The following ZNF839 variants were observed in gnomAD, a reference collection of about 807,000 sequenced individuals.
The protein encoded by ZNF839 is zinc finger protein 839, also known as renal carcinoma antigen NY-REN-50.
ZNF839 carries 38 observed loss-of-function variants against 56.4 expected under a neutral mutation model. The ratio of observed to expected loss-of-function variants is 0.67; its 90% confidence interval spans 0.52 to 0.88. The LOEUF (loss-of-function observed/expected upper bound fraction) is 0.88, where lower values mean the gene tolerates loss of function less well. ZNF839 is among the 40% of genes least tolerant of loss of function. The pLI is 0.00. For synonymous variants in ZNF839, 486 were observed against 493.5 expected (o/e 0.98, Z 0.20); for missense variants, 1,091 against 1,177.6 (o/e 0.93, Z 1.08).
chr14:102,331,810 G>A lies in ZNF839; in HGVS notation c.1380G>A (p.Glu460=). 6.3e-7 allele frequency: 1 copy of A among 1,586,866 alleles called. No individual in the cohort carries two copies. The highest frequency in any genetic ancestry group is 1.7e-4 in the Middle Eastern group (1 of 6,038). The stretch of plus-strand genomic sequence containing the variant: ...CTGGTGGCCCTGCTGCGGCAGGGGA[G>A]CAGAGGGCGTCGCCAAGCAAAGCCA... ...QLPGGPAAAG[E]QRASPSKARL... The change falls in exon 3 of 8, where the codon GAG becomes GAA. Residue 460 remains glutamate, a synonymous_variant. Transcript: ENST00000442396.
At chr14:102,340,467 T>TC (rs751365324) in intron 7 of ZNF839, among the ~76,000 whole-genome samples, 9 of 151,908 alleles carry the variant, frequency 5.9e-5, no homozygotes, top group Non-Finnish European at 1.3e-4. Flanking sequence ...AGATAGGGTT[T>TC]CCCCATGTTG....
chr14:102,322,496 A>T (rs1258603885), intron 1 of ZNF839, among the ~76,000 whole-genome samples: 1 of 152,230 alleles, frequency 6.6e-6, no homozygotes, highest in Admixed American at 6.5e-5. Flanking sequence ...GAGGATAAAT[A>T]CATTATTAGT....
chr14:102,330,299 C>T (rs538404622), intron 2 of ZNF839, among the ~76,000 whole-genome samples: 2 of 151,202 alleles, frequency 1.3e-5, no homozygotes, highest in South Asian at 4.2e-4. Context: ...ATGGCATGAT[C>T]TCAGCTCACT....
Position 102,334,651 on chromosome 14 carries a change from G to A in ZNF839, c.1509+5G>A. ...TATGAGTTTCTTCTGATGAAGGTGA[G>A]TACTCTTAGTGTTTCTAAATGATAG... On this transcript the variant is annotated splice_donor_5th_base_variant and intron_variant, in intron 4 of 7. Transcript: ENST00000442396. The A allele has an allele frequency of 6.3e-7, 1 of 1,584,934 alleles. No individual in the cohort carries two copies. Among genetic ancestry groups the A allele is most frequent in the South Asian group, 1.1e-5 (1 of 89,828 alleles).
Position 102,326,554 on chromosome 14 carries a change from CTGTG to C in ZNF839, c.861_864del (p.Cys287TrpfsTer21). The stretch of plus-strand genomic sequence containing the variant: ...CAGATTCTGATGATTACTCAGAACT[CTGTG>C]TGGAAGAAGATGAAGATCAGAGGGA... On this transcript the variant is annotated frameshift_variant, in exon 2 of 8. Transcript: ENST00000442396. LOFTEE classifies it high-confidence loss of function. This position sits in a 1 kb window ranked among gnomAD's most constrained non-coding sequence, Gnocchi z 4.3. 6.2e-7 allele frequency: 1 copy of C among 1,613,986 alleles called. No individual in the cohort carries two copies. Among genetic ancestry groups the C allele is most frequent in the Non-Finnish European group, 8.5e-7 (1 of 1,179,878 alleles).
intron 7 of ZNF839, 187 bp from the exon 8 acceptor site, chr14:102,341,136 G>T: frequency 2.5e-6 from 1 of 400,730 alleles, no homozygotes; most frequent in East Asian, 4.5e-5. Context: ...TACAAAATCT[G>T]TCTTTGTGAA....
intron 2 of ZNF839, among the ~76,000 whole-genome samples, chr14:102,330,168 G>A (rs2073703265): frequency 6.6e-6 from 1 of 151,878 alleles, no homozygotes; most frequent in African/African-American, 2.4e-5. Context: ...TTTCATTTAG[G>A]TTATTCATGT....
At chr14:102,319,731 C>G (rs956087620), upstream of ZNF839, 16 of 1,226,942 alleles carry the variant, frequency 1.3e-5, no homozygotes, top group South Asian at 8.2e-5. This position sits in a 1 kb window ranked among gnomAD's most constrained non-coding sequence, Gnocchi z 4.5. Context: ...CGCCGTCGCT[C>G]AGCGACCCGG....
intron 1 of ZNF839, among the ~76,000 whole-genome samples, chr14:102,323,919 C>G: frequency 6.6e-6 from 1 of 152,054 alleles, no homozygotes; most frequent in East Asian, 1.9e-4. Context: ...ATTCACGAAG[C>G]AAAATGAAGT....
chr14:102,338,844 T>A lies in ZNF839; in HGVS notation c.1688T>A (p.Phe563Tyr). The A allele has an allele frequency of 6.2e-7, 1 of 1,613,792 alleles. No homozygotes were observed. Among genetic ancestry groups the A allele is most frequent in the Non-Finnish European group, 8.5e-7 (1 of 1,179,858 alleles). ...GCTGAGTCATTAGGAATCACAGAAT[T>A]CCTACGGAAGAAAGAAATACACCCA... ...KVAESLGITE[F>Y]LRKKEIHPDN... Residue 563 changes from phenylalanine (F) to tyrosine (Y), a missense_variant, in exon 6 of 8, where the codon TTC becomes TAC. Around this residue, in one of 3 missense-constraint regions of ZNF839, gnomAD observed 431 missense variants for 468.0 expected, o/e 0.92. Transcript: ENST00000442396.
At chr14:102,323,095 T>C (rs2073218578) in intron 1 of ZNF839, among the ~76,000 whole-genome samples, 1 of 152,262 alleles carries the variant, frequency 6.6e-6, no homozygotes. Flanking sequence ...TTTTTGTTGA[T>C]GCTCCACTGT....
rs774763298 is a variant in ZNF839 at position 102,339,074 on chromosome 14, A to G, written c.1798-20A>G. 1.9e-6 allele frequency: 3 copies of G among 1,613,770 alleles called. No homozygotes were observed. In the South Asian group the frequency reaches 3.3e-5, roughly 18 times the overall value. On this transcript the variant is annotated intron_variant, in intron 6 of 7. Coordinates refer to ENST00000442396, the MANE Select transcript of ZNF839 (RefSeq NM_018335.6). ...TGCCTATTCCTTCCTATTCTAGCTG[A>G]TTGGGTCTTCTCTTCACAGGCTGCG...
At chr14:102,318,050 T>C (rs1381880279), upstream of ZNF839, among the ~76,000 whole-genome samples, 1 of 152,248 alleles carries the variant, frequency 6.6e-6, no homozygotes, top group Non-Finnish European at 1.5e-5. Flanking sequence ...TCTACAGACC[T>C]TGGTATGTGC....
chr14:102,329,439 C>T (rs2139515628), intron 2 of ZNF839, among the ~76,000 whole-genome samples: 1 of 150,724 alleles, frequency 6.6e-6, no homozygotes, highest in East Asian at 2.0e-4. Context: ...GGCTGGAGTG[C>T]AGTGGTGTGA....
chr14:102,326,354 C>T lies in ZNF839; in HGVS notation c.658C>T (p.Leu220Phe), dbSNP rs754862214. The T allele has an allele frequency of 2.5e-6, 4 of 1,610,056 alleles. No homozygotes were observed. Among genetic ancestry groups the T allele is most frequent in the Non-Finnish European group, 2.5e-6 (3 of 1,177,944 alleles). ...SASDPLAVTSLSSSSAHPFIS... is the reference protein window; with the variant it reads ...SASDPLAVTSFSSSSAHPFIS... Reference sequence around the variant, plus strand: ...CTCTGACCCGCTGGCAGTAACATCTCTTTCATCCAGTTCAGCACATCCATT... The same window carrying T: ...CTCTGACCCGCTGGCAGTAACATCTTTTTCATCCAGTTCAGCACATCCATT... The change falls in exon 2 of 8, where the codon CTT becomes TTT. Residue 220 changes from leucine to phenylalanine, a missense_variant. Leu to Phe is a conservative substitution (Grantham distance 22). This residue lies in a region of ZNF839 where 614 missense variants were observed against 629.2 expected (regional missense o/e 0.98). Coordinates refer to ENST00000442396, the MANE Select transcript of ZNF839 (RefSeq NM_018335.6). The surrounding 1 kb of genome is among the most constrained non-coding windows in gnomAD (Gnocchi z 4.3).
chr14:102,329,282 A>G (rs2073647216), intron 2 of ZNF839, among the ~76,000 whole-genome samples: 1 of 152,158 alleles, frequency 6.6e-6, no homozygotes, highest in South Asian at 2.1e-4. Flanking sequence ...TTCTTTGGGT[A>G]TATATCCAGA....
chr14:102,342,310 T>C lies in ZNF839; in HGVS notation c.*131T>C. On this transcript the variant is annotated 3_prime_UTR_variant, in exon 8 of 8. Coordinates refer to ENST00000442396, the MANE Select transcript of ZNF839 (RefSeq NM_018335.6). ...GTCTATGGCAAGCAATGTATATTTT[T>C]CTAATGTGAATATTGCACAGATGAA... The C allele has an allele frequency of 5.0e-6, 6 of 1,191,964 alleles. No individual in the cohort carries two copies. In the South Asian group the frequency reaches 9.3e-5, roughly 19 times the overall value. 73.8% of individuals were successfully genotyped at this position (1,191,964 alleles called of 1,614,324 possible).
rs889118821 is a variant in ZNF839, at chr14:102,332,837, G to C, written c.1416+991G>C. Among the ~76,000 whole-genome samples, 3 of 152,338 alleles carry C rather than the reference G, an allele frequency of 2.0e-5. No individual in the cohort carries two copies. The highest frequency in any genetic ancestry group is 4.4e-5 in the Non-Finnish European group (3 of 68,028). On this transcript the variant is annotated intron_variant, in intron 3 of 7. Coordinates refer to ENST00000442396, the MANE Select transcript of ZNF839 (RefSeq NM_018335.6). This position sits in a 1 kb window ranked among gnomAD's most constrained non-coding sequence, Gnocchi z 4.9. ...AGGGAGGAGAATCGCTTGAACCCAG[G>C]AGGCGGAGGTTGCAGTGAGCCAAGA... is the stretch of plus-strand genomic sequence containing the variant.
rs56144634 is a variant in ZNF839 at position 102,342,225 on chromosome 14, C to G, written c.*46C>G. 517,770 of 1,555,744 alleles carry G rather than the reference C, an allele frequency of 0.33. 88,862 individuals carry two copies. The highest frequency in any genetic ancestry group is 0.36 in the Non-Finnish European group (412,409 of 1,149,502). On this transcript the variant is annotated 3_prime_UTR_variant, in exon 8 of 8. Coordinates refer to ENST00000442396, the MANE Select transcript of ZNF839 (RefSeq NM_018335.6). ...GTGGAGTCGGTCGTCACCGTGGAGC[C>G]AGAGCCCTCACAGTGAAGTGGAGTC...
Sources: allele counts gnomAD v4.1 joint callset (sites outside exome capture counted in the v4.1 genomes callset), GRCh38; gene constraint gnomAD v4.1.1; regional missense constraint gnomAD v4.1.1; non-coding constraint Gnocchi (gnomAD v3.1); transcripts MANE v1.5; gene names NCBI Gene and HGNC (gene_info 2026-07-23, HGNC 2026-07-21).